PCDHGA1: variants seen among roughly 807,000 people sequenced by gnomAD.
The protein encoded by PCDHGA1 is protocadherin gamma-A1.
Under a neutral mutation model 58.0 loss-of-function variants are expected in PCDHGA1, and 32 were observed. The ratio of observed to expected loss-of-function variants is 0.55; its 90% CI spans 0.42 to 0.74. The LOEUF (loss-of-function observed/expected upper bound fraction) is 0.74, where lower values mean the gene tolerates loss of function less well. PCDHGA1 is among the 30% of genes least tolerant of loss of function. The probability of loss-of-function intolerance (pLI) is 0.00; values close to 1 mark genes in which losing one functional copy is unlikely to be tolerated. For missense variants in PCDHGA1, 1,205 were observed against 1,182.3 expected, an observed-to-expected ratio of 1.02 and a Z score of -0.28; for synonymous variants, 498 against 501.1, an observed-to-expected ratio of 0.99 and a Z score of 0.08.
chr5:141,447,775 AT>A (rs1463090729), intron 1 of PCDHGA1, among the ~76,000 whole-genome samples: 2 of 152,212 alleles, frequency 1.3e-5, no homozygotes, highest in Non-Finnish European at 2.9e-5. Flanking sequence ...TTATACTTTA[AT>A]TGAAAATAAA....
chr5:141,354,820 AC>A (rs1759643114), intron 1 of PCDHGA1, among the ~76,000 whole-genome samples: 1 of 152,242 alleles, frequency 6.6e-6, no homozygotes, highest in Non-Finnish European at 1.5e-5. Context: ...AGTTTATTGT[AC>A]AGGAAGACTT....
At chr5:141,478,832 G>A in intron 1 of PCDHGA1, 1 of 1,435,464 alleles carries the variant, frequency 7.0e-7, no homozygotes, top group South Asian at 1.5e-5. Context: ...TCTTGCTAAG[G>A]GATGGTTAAG....
Position 141,491,382 on chromosome 5 carries a change from G to T in PCDHGA1, c.2422-3425G>T, listed in dbSNP as rs918558. 0.21 allele frequency: 331,798 copies of T among 1,613,774 alleles called. 36,318 individuals are homozygous for T. The highest frequency in any genetic ancestry group is 0.37 in the Admixed American group (22,359 of 60,012). ...TAGTCACCTTCACCTTTCTGTCAGC[G>T]AAGTGCCTTCAGGGAAACGCAGACG... is the stretch of plus-strand genomic sequence containing the variant. On this transcript the variant is annotated intron_variant, in intron 1 of 3. Transcript: ENST00000517417. This position sits in a 1 kb window ranked among gnomAD's most constrained non-coding sequence, Gnocchi z 6.9.
At chr5:141,421,017 T>TGC (rs1489188484) in intron 1 of PCDHGA1, 1 of 518,776 alleles carries the variant, frequency 1.9e-6, no homozygotes, top group African/African-American at 2.0e-5. Flanking sequence ...AATGGGAAGC[T>TGC]GCGCGCCATT....
At chr5:141,443,328 A>C (rs569134076) in intron 1 of PCDHGA1, among the ~76,000 whole-genome samples, 24 of 151,794 alleles carry the variant, frequency 1.6e-4, no homozygotes, top group African/African-American at 4.8e-4. Context: ...AAAAAAAAAA[A>C]ACAAAAATTA....
chr5:141,498,197 A>C (rs1191884415), intron 2 of PCDHGA1, among the ~76,000 whole-genome samples: 1 of 152,246 alleles, frequency 6.6e-6, no homozygotes. Flanking sequence ...AACCAGCTAA[A>C]GAAAAGAAGG....
At chr5:141,397,324 T>C (rs2093508718) in intron 1 of PCDHGA1, among the ~76,000 whole-genome samples, 1 of 152,148 alleles carries the variant, frequency 6.6e-6, no homozygotes, top group African/African-American at 2.4e-5. Flanking sequence ...TAAAGAAAAA[T>C]TATTTTTATA....
At chr5:141,355,451 T>A (rs1759859911) in intron 1 of PCDHGA1, 3 of 1,613,958 alleles carry the variant, frequency 1.9e-6, no homozygotes, top group Non-Finnish European at 2.5e-6. Flanking sequence ...AGCGGCACCT[T>A]GGTCACCGCG....
At chr5:141,421,638 C>G (rs775131295) in intron 1 of PCDHGA1, 2 of 1,613,770 alleles carry the variant, frequency 1.2e-6, no homozygotes, top group South Asian at 1.1e-5. Context: ...TCCAGGAGGA[C>G]GAAGTGGAGA....
At chr5:141,347,114 C>T (rs1057025155) in intron 1 of PCDHGA1, among the ~76,000 whole-genome samples, 13 of 88,962 alleles carry the variant, frequency 1.5e-4, no homozygotes, top group Admixed American at 3.6e-4. Context: ...TCTCTTTCCT[C>T]CTTCCTTCCT....
chr5:141,410,245 C>T, intron 1 of PCDHGA1: 1 of 1,614,038 alleles, frequency 6.2e-7, no homozygotes. Context: ...GCCCTGTACT[C>T]TCTGACCCCC....
Position 141,335,361 on chromosome 5 carries a change from C to A in PCDHGA1, c.2421+2256C>A, listed in dbSNP as rs571846108. On this transcript the variant is annotated intron_variant, in intron 1 of 3. Transcript: ENST00000517417. ...GAAACTAAATATATATGTACACACACAAAAAAGAAAGTCATGTTAATGTAA... is the reference window on the plus strand; with the variant it reads ...GAAACTAAATATATATGTACACACAAAAAAAAGAAAGTCATGTTAATGTAA... Among the ~76,000 whole-genome samples the A allele has an allele frequency of 4.6e-5, 7 of 151,662 alleles. No individual in the cohort carries two copies. In the South Asian group the frequency reaches 8.3e-4, roughly 18 times the overall value.
intron 1 of PCDHGA1, chr5:141,404,208 A>G (rs1411239715): frequency 6.2e-7 from 1 of 1,613,782 alleles, no homozygotes; most frequent in Admixed American, 1.7e-5. Flanking sequence ...TCAGAATATA[A>G]TATCACGGTG....
chr5:141,489,635 G>T lies in PCDHGA1; in HGVS notation c.2422-5172G>T, dbSNP rs1380466520. On this transcript the variant is annotated intron_variant, in intron 1 of 3. Coordinates refer to ENST00000517417, the MANE Select transcript of PCDHGA1 (RefSeq NM_018912.3). This position sits in a 1 kb window ranked among gnomAD's most constrained non-coding sequence, Gnocchi z 4.5. ...CTGGATCTCAATGACAACTCTCCTA[G>T]CTTTGCCACCCCTGAGCGAGAGATG... 1.2e-6 allele frequency: 2 copies of T among 1,614,024 alleles called. No homozygotes were observed. The highest frequency in any genetic ancestry group is 2.7e-5 in the African/African-American group (2 of 74,908).
At chr5:141,333,961 C>G (rs1756495224) in intron 1 of PCDHGA1, 2 of 152,182 alleles carry the variant, frequency 1.3e-5, no homozygotes, top group African/African-American at 4.8e-5. Flanking sequence ...TACATTATAC[C>G]TGTAATGAAA....
chr5:141,388,204 A>T lies in PCDHGA1; in HGVS notation c.2421+55099A>T, dbSNP rs746829885. ...AAGCCAGCTTGTGCTCTGGAATTTG[A>T]GGCTGTTGCTGAAAATCCACTGAAC... On this transcript the variant is annotated intron_variant, in intron 1 of 3. Coordinates refer to ENST00000517417, the MANE Select transcript of PCDHGA1 (RefSeq NM_018912.3). 9 of 1,575,744 alleles carry T rather than the reference A, an allele frequency of 5.7e-6. No homozygotes were observed. The Admixed American group carries it at 1.5e-4, about 27-fold the overall frequency.
intron 1 of PCDHGA1, chr5:141,365,106 C>T (rs1561533210): frequency 6.2e-7 from 1 of 1,613,862 alleles, no homozygotes; most frequent in Non-Finnish European, 8.5e-7. Context: ...CCTGTGGGCA[C>T]TCGGCTGCTC....
intron 1 of PCDHGA1, among the ~76,000 whole-genome samples, chr5:141,471,978 A>C (rs1246474598): frequency 1.3e-5 from 2 of 152,184 alleles, no homozygotes; most frequent in African/African-American, 4.8e-5. Flanking sequence ...TTACTGTATA[A>C]ATTTATTAAA....
chr5:141,352,471 C>T (rs746391731), intron 1 of PCDHGA1: 6 of 1,614,034 alleles, frequency 3.7e-6, no homozygotes, highest in Non-Finnish European at 5.1e-6. Flanking sequence ...GGGTTCCTCC[C>T]AACCACAGCG....
Sources: allele counts gnomAD v4.1 joint callset (sites outside exome capture counted in the v4.1 genomes callset), GRCh38; gene constraint gnomAD v4.1.1; non-coding constraint Gnocchi (gnomAD v3.1); transcripts MANE v1.5; gene names NCBI Gene and HGNC (gene_info 2026-07-23, HGNC 2026-07-21).